The following LPXN variants were observed in gnomAD, a reference collection of about 807,000 sequenced individuals.
LPXN encodes leupaxin.
LPXN carries 28 observed loss-of-function variants against 45.6 expected under a neutral mutation model. The observed-to-expected ratio is 0.61, with a 90% CI of 0.45 to 0.84. LPXN has a LOEUF of 0.84. Ranked by LOEUF, LPXN falls within the 40% of genes least tolerant of loss-of-function variation. The probability of loss-of-function intolerance (pLI) is 0.00; values close to 1 mark genes in which losing one functional copy is unlikely to be tolerated. For synonymous variants in LPXN, 166 were observed against 169.9 expected (o/e 0.98, Z 0.18); for missense variants, 459 against 475.0 (o/e 0.97, Z 0.31).
At chr11:58,534,107 C>G (rs1405860232) in intron 7 of LPXN, among the ~76,000 whole-genome samples, 1 of 152,156 alleles carries the variant, frequency 6.6e-6, no homozygotes, top group African/African-American at 2.4e-5. Context: ...CAATATTAGA[C>G]AGATCAATGA....
chr11:58,532,211 C>T (rs1422729148), intron 7 of LPXN, among the ~76,000 whole-genome samples: 6 of 152,134 alleles, frequency 3.9e-5, no homozygotes, highest in Admixed American at 2.6e-4. Flanking sequence ...ATCTGCAGCC[C>T]GCCATGCCCG....
At chr11:58,567,970 C>G (rs991424107) in intron 2 of LPXN, among the ~76,000 whole-genome samples, 1 of 152,104 alleles carries the variant, frequency 6.6e-6, no homozygotes, top group Non-Finnish European at 1.5e-5. Context: ...AATTACTTAG[C>G]CTCTATTTCC....
chr11:58,578,025 A>G, upstream of LPXN: 1 of 1,551,088 alleles, frequency 6.4e-7, no homozygotes, highest in Non-Finnish European at 8.7e-7. Flanking sequence ...ACACCGGAAG[A>G]CGAGATCAAT....
chr11:58,577,516 G>A (rs1376090437), upstream of LPXN, among the ~76,000 whole-genome samples: 4 of 152,142 alleles, frequency 2.6e-5, no homozygotes, highest in African/African-American at 7.2e-5. Context: ...TTATTTTCCA[G>A]GGGTAAAGGA....
intron 7 of LPXN, among the ~76,000 whole-genome samples, chr11:58,534,001 C>T (rs746925581): frequency 6.6e-6 from 1 of 152,176 alleles, no homozygotes; most frequent in Non-Finnish European, 1.5e-5. Context: ...GCACCCAATA[C>T]AGGAGCACCC....
intron 7 of LPXN, among the ~76,000 whole-genome samples, chr11:58,538,549 T>C (rs1161233036): frequency 1.3e-5 from 2 of 152,106 alleles, no homozygotes; most frequent in African/African-American, 4.8e-5. Flanking sequence ...TTTCATGTGT[T>C]TTTTGGCTGC....
chr11:58,554,874 C>A lies in LPXN; in HGVS notation c.285G>T (p.Glu95Asp), dbSNP rs773327780. Residue 95 changes from glutamate to aspartate, a missense_variant, in exon 4 of 9, where the codon GAG (glutamate) becomes GAT (aspartate). Glu to Asp is a conservative substitution (Grantham distance 45). Transcript: ENST00000395074. ...SKTSAAAQLDELMAHLTEMQA... is the reference protein window; with the variant it reads ...SKTSAAAQLDDLMAHLTEMQA... Reference sequence around the variant, plus strand: ...GCATCTCAGTCAGGTGAGCCATGAGCTCATCCAACTGAGCAGCTGCTGACG... The same window carrying A: ...GCATCTCAGTCAGGTGAGCCATGAGATCATCCAACTGAGCAGCTGCTGACG... 1.2e-5 allele frequency: 19 copies of A among 1,614,016 alleles called. No individual in the cohort carries two copies. In the Middle Eastern group the frequency reaches 6.7e-4, roughly 57 times the overall value.
chr11:58,550,957 T>C (rs1854030287), intron 5 of LPXN, 108 bp downstream of exon 5: 2 of 1,075,734 alleles, frequency 1.9e-6, no homozygotes, highest in Admixed American at 3.2e-5. Flanking sequence ...TGATTAGTAA[T>C]TATTAATGCT....
rs201602799 is a variant in LPXN, at chr11:58,564,193, G to T, written c.180C>A (p.Leu60=). Residue 60 remains leucine, a synonymous_variant, in exon 3 of 9, where the codon CTC becomes CTA. Coordinates refer to ENST00000395074, the MANE Select transcript of LPXN (RefSeq NM_004811.3). ...QDNTSPLPAQ[L]VYTTNIQELN... is the part of the protein sequence containing the mutation. ...GCTCCTGGATATTGGTAGTATACAC[G>T]AGCTGCGCCTAAGATATATAAGTGA... 6.2e-6 allele frequency: 10 copies of T among 1,603,836 alleles called. No individual in the cohort carries two copies. In the East Asian group the frequency reaches 2.0e-4, roughly 32 times the overall value.
At chr11:58,550,411 C>T (rs1854014512) in intron 5 of LPXN, among the ~76,000 whole-genome samples, 1 of 152,188 alleles carries the variant, frequency 6.6e-6, no homozygotes, top group African/African-American at 2.4e-5. Context: ...TGCACTGCCA[C>T]AGGGGGTGGC....
At chr11:58,572,811 G>A (rs1202417069) in intron 1 of LPXN, among the ~76,000 whole-genome samples, 4 of 152,138 alleles carry the variant, frequency 2.6e-5, no homozygotes, top group Admixed American at 6.5e-5. Context: ...GGGGTGAAAG[G>A]AATGGGTGGG....
intron 7 of LPXN, among the ~76,000 whole-genome samples, chr11:58,541,850 C>A (rs368760647): frequency 6.6e-6 from 1 of 152,110 alleles, no homozygotes; most frequent in African/African-American, 2.4e-5. Flanking sequence ...CCATGAAATA[C>A]TGTGCAGCCA....
rs555946104 is a variant in LPXN, at chr11:58,559,315, C to G, written c.219-4375G>C. Among the ~76,000 whole-genome samples the G allele has an allele frequency of 9.9e-5, 15 of 152,018 alleles. No homozygotes were observed. In the South Asian group the frequency reaches 2.7e-3, roughly 27 times the overall value. ...ATCAACATTTCAGACACATATACCA[C>G]TTGATTGAGCAATTTTGCTACTAAG... On this transcript the variant is annotated intron_variant, in intron 3 of 8. Coordinates refer to ENST00000395074, the MANE Select transcript of LPXN (RefSeq NM_004811.3).
At chr11:58,532,389 G>A (rs966439545) in intron 7 of LPXN, among the ~76,000 whole-genome samples, 5 of 152,382 alleles carry the variant, frequency 3.3e-5, no homozygotes, top group South Asian at 4.1e-4. Context: ...TCCACTAGGC[G>A]AAGCCAGCTG....
upstream of LPXN, chr11:58,576,045 G>A (rs928356698): frequency 4.3e-5 from 31 of 722,294 alleles, no homozygotes; most frequent in Non-Finnish European, 5.1e-5. Context: ...GGGTGATAAA[G>A]ATTCAAAATT....
intron 1 of LPXN, among the ~76,000 whole-genome samples, chr11:58,571,285 G>A (rs543213069): frequency 1.2e-4 from 18 of 152,060 alleles, no homozygotes; most frequent in South Asian, 4.1e-4. Context: ...GCGATGAGTC[G>A]AGATCACGCC....
At chr11:58,560,032 G>C (rs950544935) in intron 3 of LPXN, among the ~76,000 whole-genome samples, 4 of 152,222 alleles carry the variant, frequency 2.6e-5, no homozygotes, top group Non-Finnish European at 4.4e-5. Context: ...AAGACTCTAA[G>C]AGGAGTGGTC....
intron 7 of LPXN, among the ~76,000 whole-genome samples, chr11:58,533,319 C>T (rs1289035338): frequency 6.6e-6 from 1 of 152,174 alleles, no homozygotes; most frequent in Admixed American, 6.5e-5. Flanking sequence ...AGACTAACAG[C>T]GGATCTCTTG....
At chr11:58,570,798 C>A in intron 1 of LPXN, 85 bp from the exon 2 acceptor site, 1 of 944,396 alleles carries the variant, frequency 1.1e-6, no homozygotes. Flanking sequence ...TCACTGTGCC[C>A]ACATTCATCT....
Sources: gnomAD v4.1 joint callset for allele counts (sites outside exome capture counted in the v4.1 genomes callset) on GRCh38, gnomAD v4.1.1 for gene constraint, MANE v1.5 for transcripts, NCBI Gene and HGNC (gene_info 2026-07-23, HGNC 2026-07-21) for gene names.